Variants in FRAS1 observed in about 807,000 individuals in gnomAD.
The protein encoded by FRAS1 is Fraser extracellular matrix complex subunit 1.
Under a neutral mutation model 435.2 loss-of-function variants are expected in FRAS1, and 290 were observed. The ratio of observed to expected loss-of-function variants is 0.67; its 90% CI spans 0.61 to 0.73. FRAS1 has a LOEUF of 0.73. Among genes scored for constraint, FRAS1 ranks in the 30% least tolerant of loss-of-function variants. The pLI, the probability that FRAS1 is intolerant of heterozygous loss-of-function variation, is 0.00. For missense variants in FRAS1, 4,860 were observed against 5,001.5 expected (o/e 0.97, Z 0.85); for synonymous variants, 1,800 against 1,851.0 (o/e 0.97, Z 0.71).
At position 78,237,622 on chromosome 4, in the gene FRAS1, G is replaced by C. The variant is rs756605992; in HGVS notation, c.216+5G>C. On this transcript the variant is annotated splice_donor_5th_base_variant and intron_variant, in intron 3 of 73. Transcript: ENST00000512123. ...CCTCAATGTGCCTTTGAGAAGGTAC[G>C]GTATCCTAATTGTGTCCTAAATGTA... The C allele has an allele frequency of 1.9e-6, 3 of 1,551,326 alleles. No homozygotes were observed. The East Asian group carries it at 6.8e-5, about 35-fold the overall frequency.
rs916608683 is a variant in FRAS1, at chr4:78,177,036, T to C, written c.109-60474T>C. Among the ~76,000 whole-genome samples the C allele has an allele frequency of 2.0e-5, 3 of 151,894 alleles. No homozygotes were observed. In the East Asian group the frequency reaches 5.8e-4, roughly 29 times the overall value. ...CCAATAGGCAGGTTACACACCTCCA[T>C]AGTGGGAGTGCGTTAGAACCTCAAT... On this transcript the variant is annotated intron_variant, in intron 2 of 73. Coordinates refer to ENST00000512123, the MANE Select transcript of FRAS1 (RefSeq NM_025074.7).
chr4:78,412,929 A>AT (rs1197628144), intron 31 of FRAS1, 40 bp from the exon 32 acceptor site: 1 of 1,323,946 alleles, frequency 7.6e-7, no homozygotes, highest in South Asian at 1.3e-5. Context: ...GCTCTGCTCA[A>AT]TAGAAGATGA....
chr4:78,206,620 C>T (rs1028523893), intron 2 of FRAS1, among the ~76,000 whole-genome samples: 11 of 152,164 alleles, frequency 7.2e-5, no homozygotes, highest in Non-Finnish European at 7.3e-5. Flanking sequence ...GAATACACCT[C>T]TTGTGCAAAT....
chr4:78,534,269 G>T (rs908160014), intron 70 of FRAS1, among the ~76,000 whole-genome samples, 180 bp from the exon 71 acceptor site: 5 of 152,106 alleles, frequency 3.3e-5, no homozygotes, highest in African/African-American at 1.2e-4. Flanking sequence ...CTGTTCAAAA[G>T]AAATAACTAC....
intron 2 of FRAS1, among the ~76,000 whole-genome samples, chr4:78,090,812 T>C (rs1030342233): frequency 1.3e-5 from 2 of 152,324 alleles, no homozygotes; most frequent in Middle Eastern, 3.4e-3. Context: ...GCCTCTCTTA[T>C]CCTTTTGTGC....
Position 78,479,689 on chromosome 4 carries a change from A to G in FRAS1, c.8414A>G (p.Asn2805Ser), listed in dbSNP as rs117838818. Residue 2805 changes from asparagine to serine, a missense_variant, in exon 56 of 74, where the codon AAC becomes AGC. Physicochemically the swap from Asn to Ser is conservative, Grantham distance 46 (BLOSUM62 1). Coordinates refer to ENST00000512123, the MANE Select transcript of FRAS1 (RefSeq NM_025074.7). ...PNDASTVSLG[N>S]TAFTVSEDAG... ...GATGCCTCGACTGTGTCCCTGGGCA[A>G]CACGGCTTTCACTGTCAGTGAGGAC... is the stretch of plus-strand genomic sequence containing the variant. 1.9e-4 allele frequency: 298 copies of G among 1,599,082 alleles called. 3 individuals are homozygous for G. In the East Asian group the frequency reaches 6.7e-3, roughly 36 times the overall value.
rs375788413 is a variant in FRAS1, at chr4:78,489,062, A to G, written c.8940A>G (p.Thr2980=). Residue 2980 remains threonine (T), a synonymous_variant, in exon 59 of 74, where the codon ACA becomes ACG. Transcript: ENST00000512123. The part of the protein sequence containing the change: ...ERQNADSSRI[T]FLKGDKVKNC... ...AAAATGCAGACTCTTCACGGATTAC[A>G]TTTCTCAAAGGGGACAAAGTAAGTG... 1.5e-3 allele frequency: 2,388 copies of G among 1,612,996 alleles called. 4 individuals are homozygous for G. The highest frequency in any genetic ancestry group is 1.9e-3 in the Non-Finnish European group (2,223 of 1,179,608).
intron 2 of FRAS1, among the ~76,000 whole-genome samples, chr4:78,114,807 G>C (rs545477123): frequency 6.6e-6 from 1 of 152,292 alleles, no homozygotes; most frequent in South Asian, 2.1e-4. Flanking sequence ...TTTCCTAATT[G>C]AAAAATCCCT....
intron 18 of FRAS1, among the ~76,000 whole-genome samples, chr4:78,330,896 C>T (rs1729920868): frequency 6.6e-6 from 1 of 152,164 alleles, no homozygotes; most frequent in African/African-American, 2.4e-5. Context: ...GTCTGTGACC[C>T]ACACCCTATT....
In FRAS1 at chr4:78,374,174, T is replaced by C; in HGVS notation, c.3074T>C (p.Phe1025Ser). The C allele has an allele frequency of 6.2e-7, 1 of 1,606,762 alleles. No individual in the cohort carries two copies. Among genetic ancestry groups the C allele is most frequent in the Non-Finnish European group, 8.5e-7 (1 of 1,174,754 alleles). ...PHECTRCKGP[F>S]LLLEAQCVQE... ...GAGTGTACCCGCTGCAAAGGGCCAT[T>C]TCTCCTCTTGGAAGCCCAGTGTGTC... is the stretch of plus-strand genomic sequence containing the variant. The change falls in exon 25 of 74, where the codon TTT becomes TCT. Residue 1025 changes from phenylalanine to serine, a missense_variant. Coordinates refer to ENST00000512123, the MANE Select transcript of FRAS1 (RefSeq NM_025074.7).
rs1248882772 is a variant in FRAS1, at chr4:78,407,668, G to T, written c.4135G>T (p.Val1379Leu). Residue 1379 changes from valine (V) to leucine (L), a missense_variant, in exon 31 of 74, where the codon GTG (valine) becomes TTG (leucine). Coordinates refer to ENST00000512123, the MANE Select transcript of FRAS1 (RefSeq NM_025074.7). ...ITQDYPQFGEVVLLVNMPADS... is the reference protein window; with the variant it reads ...ITQDYPQFGELVLLVNMPADS... ...TGTGGCCTGTGCCTTCCTAGGGGAG[G>T]TGGTCCTTCTAGTGAATATGCCTGC... 6.2e-7 allele frequency: 1 copy of T among 1,611,254 alleles called. No homozygotes were observed. Among genetic ancestry groups the T allele is most frequent in the African/African-American group, 1.3e-5 (1 of 74,856 alleles).
intron 28 of FRAS1, among the ~76,000 whole-genome samples, chr4:78,384,551 C>T (rs552744384): frequency 3.9e-5 from 6 of 152,144 alleles, no homozygotes; most frequent in Admixed American, 2.0e-4. Flanking sequence ...TGTTCTTAAC[C>T]GTTATATTAT....
In FRAS1 at chr4:78,539,378, C is replaced by T. The variant is rs1721980377; in HGVS notation, c.11383C>T (p.His3795Tyr). Reference protein sequence around the residue: ...AHFASELPDFHVVSNMPGVDG... With the variant: ...AHFASELPDFYVVSNMPGVDG... ...CTTTGCCTCTGAGTTGCCTGATTTC[C>T]ATGTGGTCAGTAACATGCCAGGTGT... Residue 3795 changes from histidine to tyrosine, a missense_variant, in exon 73 of 74, where the codon CAT (histidine) becomes TAT (tyrosine). Physicochemically the swap from His to Tyr is moderately conservative, Grantham distance 83. Coordinates refer to ENST00000512123, the MANE Select transcript of FRAS1 (RefSeq NM_025074.7). 6.2e-7 allele frequency: 1 copy of T among 1,611,436 alleles called. No homozygotes were observed. Among genetic ancestry groups the T allele is most frequent in the Non-Finnish European group, 8.5e-7 (1 of 1,178,790 alleles).
In FRAS1 at chr4:78,060,537, T is replaced by G. The variant is rs556148346; in HGVS notation, c.76+2452T>G. Among the ~76,000 whole-genome samples, 27 of 152,334 alleles carry G rather than the reference T, an allele frequency of 1.8e-4. No homozygotes were observed. The South Asian group carries it at 2.1e-3, about 12-fold the overall frequency. ...ATTGAGGGGTTAGGATGGCTCCTAT[T>G]AATTCTGATATCTTCAGTTCAGCTC... On this transcript the variant is annotated intron_variant, in intron 1 of 73. Coordinates refer to ENST00000512123, the MANE Select transcript of FRAS1 (RefSeq NM_025074.7).
intron 29 of FRAS1, among the ~76,000 whole-genome samples, chr4:78,388,828 A>AT (rs1370774635): frequency 2.6e-5 from 4 of 151,852 alleles, no homozygotes; most frequent in Non-Finnish European, 5.9e-5. Flanking sequence ...AATAAATAGC[A>AT]TTTTTGCTCA....
chr4:78,151,749 G>T (rs554155922), intron 2 of FRAS1, among the ~76,000 whole-genome samples: 2 of 152,148 alleles, frequency 1.3e-5, no homozygotes, highest in Non-Finnish European at 2.9e-5. Context: ...AAAAGCATTC[G>T]GTTGCAATTC....
chr4:78,060,784 G>T (rs1214229821), intron 1 of FRAS1, among the ~76,000 whole-genome samples: 1 of 152,122 alleles, frequency 6.6e-6, no homozygotes, highest in East Asian at 1.9e-4. Context: ...AGAAGAAAAA[G>T]AGATCAGTAT....
At chr4:78,295,917 AT>A (rs945664962) in intron 14 of FRAS1, among the ~76,000 whole-genome samples, 1 of 150,506 alleles carries the variant, frequency 6.6e-6, no homozygotes, top group African/African-American at 2.4e-5. Flanking sequence ...GGCTAATTTT[AT>A]TTTTTTGTAT....
At chr4:78,068,706 T>A (rs1002242625) in intron 2 of FRAS1, 2 of 382,952 alleles carry the variant, frequency 5.2e-6, no homozygotes, top group South Asian at 4.0e-5. Context: ...CACTAAAAAA[T>A]TTCTGTCAAA....
Sources: allele counts gnomAD v4.1 joint callset (sites outside exome capture counted in the v4.1 genomes callset), GRCh38; gene constraint gnomAD v4.1.1; transcripts MANE v1.5; gene names NCBI Gene and HGNC (gene_info 2026-07-23, HGNC 2026-07-21).